Variants in GAB3 observed in about 807,000 individuals in gnomAD.
The protein encoded by GAB3 is GRB2-associated-binding protein 3.
GAB3 carries 12 observed loss-of-function variants against 40.4 expected under a neutral mutation model. That is an observed-to-expected ratio of 0.30 (90% CI 0.19 to 0.48). The LOEUF is 0.48. Among genes scored for constraint, GAB3 ranks in the 20% least tolerant of loss-of-function variants. GAB3 has a pLI of 0.99. For missense variants in GAB3, 381 were observed against 461.9 expected, an observed-to-expected ratio of 0.82 and a Z score of 1.61; for synonymous variants, 154 against 176.7, an observed-to-expected ratio of 0.87 and a Z score of 1.02.
chrX:154,714,771 G>A (rs781875834), intron 2 of GAB3, among the ~76,000 whole-genome samples: 3 of 112,338 alleles, frequency 2.7e-5, no homozygotes, highest in South Asian at 3.6e-4. Context: ...CACAGTATAC[G>A]ACGATATACC....
intron 1 of GAB3, among the ~76,000 whole-genome samples, 164 bp from the exon 2 acceptor site, chrX:154,716,493 G>A (rs2071048777): frequency 8.9e-6 from 1 of 112,847 alleles, no homozygotes; most frequent in Admixed American, 9.3e-5. Context: ...CTTCAAGTCC[G>A]CTTTATTGGA....
chrX:154,695,020 T>G (rs1440183465), intron 8 of GAB3, among the ~76,000 whole-genome samples: 1 of 112,148 alleles, frequency 8.9e-6, no homozygotes, highest in Non-Finnish European at 1.9e-5. Flanking sequence ...AACTGGAGAT[T>G]ACTATTTTTA....
intron 8 of GAB3, among the ~76,000 whole-genome samples, chrX:154,689,988 G>A (rs1218947922): frequency 9.1e-6 from 1 of 109,877 alleles, no homozygotes; most frequent in Non-Finnish European, 1.9e-5. Flanking sequence ...AACAAAGCTG[G>A]AGGCATCACA....
intron 1 of GAB3, among the ~76,000 whole-genome samples, chrX:154,731,372 A>G (rs2071288442): frequency 8.9e-6 from 1 of 111,960 alleles, no homozygotes; most frequent in Non-Finnish European, 1.9e-5. Context: ...TGCAATATAG[A>G]GGAAGTGACG....
chrX:154,716,943 A>T (rs782141556), intron 1 of GAB3, among the ~76,000 whole-genome samples: 4 of 112,074 alleles, frequency 3.6e-5, no homozygotes, highest in Non-Finnish European at 5.6e-5. Flanking sequence ...GGCTAGTTAC[A>T]CTTCCTATGT....
chrX:154,709,469 C>CG (rs1282508755), intron 4 of GAB3, among the ~76,000 whole-genome samples: 2 of 109,069 alleles, frequency 1.8e-5, no homozygotes, highest in Non-Finnish European at 3.8e-5. Context: ...CACAGGCACC[C>CG]GCCACCACAC....
chrX:154,732,887 A>G lies in GAB3; in HGVS notation c.73-16558T>C, dbSNP rs150256200. On this transcript the variant is annotated intron_variant, in intron 1 of 9. Coordinates refer to ENST00000424127, the MANE Select transcript of GAB3 (RefSeq NM_001081573.3). ...AATAGAAGCTGCTCCATCAGAGACC[A>G]CAGGGCACCAGTGTTTACTTAAGCT... 5.7e-3 allele frequency among the ~76,000 whole-genome samples: 642 copies of G among 111,721 alleles called. 4 individuals are homozygous for G. The highest frequency in any genetic ancestry group is 9.4e-3 in the Non-Finnish European group (497 of 53,052).
chrX:154,725,762 C>G (rs1370632705), intron 1 of GAB3, among the ~76,000 whole-genome samples: 1 of 111,462 alleles, frequency 9.0e-6, no homozygotes, highest in Non-Finnish European at 1.9e-5. Flanking sequence ...ACTGCCAGAG[C>G]TCACACAGGG....
At chrX:154,733,224 TACA>T (rs1557260153) in intron 1 of GAB3, among the ~76,000 whole-genome samples, 2 of 112,277 alleles carry the variant, frequency 1.8e-5, no homozygotes, top group Admixed American at 9.4e-5. Context: ...CACACTCAGA[TACA>T]ACAACACCAA....
chrX:154,684,510 C>T (rs1557247450), intron 8 of GAB3, among the ~76,000 whole-genome samples: 5 of 111,367 alleles, frequency 4.5e-5, no homozygotes, highest in Non-Finnish European at 5.7e-5. Context: ...GTTAATCTCT[C>T]ATGTATTTGT....
intron 1 of GAB3, among the ~76,000 whole-genome samples, chrX:154,745,251 G>A (rs1370645609): frequency 3.6e-5 from 4 of 110,041 alleles, no homozygotes; most frequent in Non-Finnish European, 7.6e-5. Flanking sequence ...AGAATTGCTT[G>A]AACCCAGGAG....
chrX:154,723,423 A>G (rs782464052), intron 1 of GAB3, among the ~76,000 whole-genome samples: 128 of 111,737 alleles, frequency 1.1e-3, no homozygotes, highest in African/African-American at 4.0e-3. Flanking sequence ...TCAGAGTATA[A>G]ATAAGAGATA....
At chrX:154,737,312 TG>T (rs1471441847) in intron 1 of GAB3, among the ~76,000 whole-genome samples, 3 of 111,840 alleles carry the variant, frequency 2.7e-5, no homozygotes, top group Non-Finnish European at 5.6e-5. Flanking sequence ...GCATTACCAC[TG>T]CAAGGTATTT....
chrX:154,747,322 T>A (rs1557262162), intron 1 of GAB3, among the ~76,000 whole-genome samples: 1 of 112,325 alleles, frequency 8.9e-6, no homozygotes, highest in African/African-American at 3.2e-5. Context: ...AAATTGGTTT[T>A]TGATGATGTT....
In GAB3 at chrX:154,713,411, C is replaced by T; in HGVS notation, c.392G>A (p.Ser131Asn). 8.3e-7 allele frequency: 1 copy of T among 1,204,964 alleles called. No homozygotes were observed. The highest frequency in any genetic ancestry group is 1.8e-5 in the South Asian group (1 of 56,752). Residue 131 changes from serine (S) to asparagine (N), a missense_variant, in exon 3 of 10, where the codon AGC (serine) becomes AAC (asparagine). By Grantham distance (46) the Ser-to-Asn change is conservative. This residue lies in a region of GAB3 where 364 missense variants were observed against 421.0 expected (regional missense o/e 0.86). Transcript: ENST00000424127. Reference sequence around the variant, plus strand: ...CAGGGAGGAGGGCGTGTAAGAGAGGCTCTCCATGGAATCTGCTGGAGAAAT... The same window carrying T: ...CAGGGAGGAGGGCGTGTAAGAGAGGTTCTCCATGGAATCTGCTGGAGAAAT... The part of the protein sequence containing the change: ...LEDGAADSME[S>N]LSYTPSSLQP...
Position 154,713,251 on chromosome X carries a change from A to G in GAB3, c.552T>C (p.Tyr184=). 8.3e-7 allele frequency: 1 copy of G among 1,211,003 alleles called. No homozygotes were observed. Among genetic ancestry groups the G allele is most frequent in the South Asian group, 1.8e-5 (1 of 56,942 alleles). The stretch of plus-strand genomic sequence containing the variant: ...CAGTCTCGCAGTTGGACAAAACCAG[A>G]TAATCTGGAAGGAAGAGAAGCTCTG... ...SESELLFLPD[Y]LVLSNCETGR... The change falls in exon 3 of 10, where the codon TAT becomes TAC. Residue 184 remains tyrosine, a synonymous_variant. Coordinates refer to ENST00000424127, the MANE Select transcript of GAB3 (RefSeq NM_001081573.3).
At position 154,697,211 on chromosome X, in the gene GAB3, G is replaced by A; in HGVS notation, c.1348C>T (p.Arg450Trp). 3 of 1,175,057 alleles carry A rather than the reference G, an allele frequency of 2.6e-6. No individual in the cohort carries two copies. Among genetic ancestry groups the A allele is most frequent in the Non-Finnish European group, 2.3e-6 (2 of 874,835 alleles). The change falls in exon 7 of 10, where the codon CGG becomes TGG. Residue 450 changes from arginine to tryptophan, a missense_variant and splice_region_variant. Physicochemically the swap from Arg to Trp is moderately radical, Grantham distance 101. Transcript: ENST00000424127. ...NRDLKPQRKS[R>W]PPPLDLRNLS... is the part of the protein sequence containing the mutation. ...TTTCTCAGGTCCAGAGGAGGTGGCC[G>A]TGCTACAAGACAGTGTGCAACATCC...
chrX:154,710,450 TAG>T (rs1557255553), intron 4 of GAB3, among the ~76,000 whole-genome samples: 20 of 111,873 alleles, frequency 1.8e-4, no homozygotes, highest in African/African-American at 6.5e-4. Flanking sequence ...GCTGGACAAG[TAG>T]GCTCCAAGGG....
At chrX:154,688,608 T>C (rs2070496923) in intron 8 of GAB3, among the ~76,000 whole-genome samples, 1 of 111,072 alleles carries the variant, frequency 9.0e-6, no homozygotes, top group African/African-American at 3.3e-5. Context: ...ACAGAATATA[T>C]AAAGAACTCT....
Sources: allele counts gnomAD v4.1 joint callset (sites outside exome capture counted in the v4.1 genomes callset), GRCh38; gene constraint gnomAD v4.1.1; regional missense constraint gnomAD v4.1.1; transcripts MANE v1.5; gene names NCBI Gene and HGNC (gene_info 2026-07-23, HGNC 2026-07-21).